Variants in SFMBT2 observed in about 807,000 individuals in gnomAD.
SFMBT2 encodes Scm like with four mbt domains 2.
SFMBT2 carries 38 observed loss-of-function variants against 110.1 expected under a neutral mutation model. That is an observed-to-expected ratio of 0.35 (90% CI 0.27 to 0.45). The LOEUF is 0.45. Among genes scored for constraint, SFMBT2 ranks in the 20% least tolerant of loss-of-function variants. The probability of loss-of-function intolerance (pLI) is 1.00; values close to 1 mark genes in which losing one functional copy is unlikely to be tolerated. For synonymous variants in SFMBT2, 425 were observed against 425.4 expected, an observed-to-expected ratio of 1.00 and a Z score of 0.01; for missense variants, 1,011 against 1,094.9, an observed-to-expected ratio of 0.92 and a Z score of 1.08.
intron 4 of SFMBT2, among the ~76,000 whole-genome samples, chr10:7,357,901 C>T (rs1157945981): frequency 6.6e-6 from 1 of 152,028 alleles, no homozygotes; most frequent in Admixed American, 6.6e-5. Context: ...AATGTTGGCA[C>T]AGCCCTGGAG....
In SFMBT2 at chr10:7,385,757, T is replaced by G. The variant is rs558437140; in HGVS notation, c.-51-3808A>C. Among the ~76,000 whole-genome samples, 1,064 of 152,164 alleles carry G rather than the reference T, an allele frequency of 7.0e-3. 10 individuals are homozygous for G. Among genetic ancestry groups the G allele is most frequent in the Middle Eastern group, 0.038 (11 of 292 alleles). On this transcript the variant is annotated intron_variant, in intron 1 of 20. Transcript: ENST00000397167. ...GCTCACGCCTGTAATCCCAGCACTT[T>G]GGGAGGCCGAGGCGGGCGGATCACG...
Position 7,243,561 on chromosome 10 carries a change from T to G in SFMBT2, c.1117A>C (p.Lys373Gln). Residue 373 changes from lysine to glutamine, a missense_variant, in exon 9 of 21, where the codon AAA (lysine) becomes CAA (glutamine). This residue lies in a region of SFMBT2 where 979 missense variants were observed against 1,016.1 expected (regional missense o/e 0.96). Transcript: ENST00000397167. ...CATACCTTCACAGAATACAAACCTT[T>G]GGGAGGAGTGAGGCTGACTCCATTT... is the stretch of plus-strand genomic sequence containing the variant. ...LKNGVSLTPPKGYSGQDFDWA... is the reference protein window; with the variant it reads ...LKNGVSLTPPQGYSGQDFDWA... 1 of 872,786 alleles carries G rather than the reference T, an allele frequency of 1.1e-6. No individual in the cohort carries two copies. Among genetic ancestry groups the G allele is most frequent in the Non-Finnish European group, 2.0e-6 (1 of 501,644 alleles). The allele number at this position is 872,786 out of a possible 1,614,324, so 54.1% of individuals were successfully genotyped here.
At chr10:7,389,506 A>T (rs1443683553) in intron 1 of SFMBT2, among the ~76,000 whole-genome samples, 1 of 152,218 alleles carries the variant, frequency 6.6e-6, no homozygotes, top group Non-Finnish European at 1.5e-5. Context: ...ATAAAAGGTA[A>T]CTTCCTGTTT....
At chr10:7,225,622 T>C (rs1377831265) in intron 10 of SFMBT2, among the ~76,000 whole-genome samples, 1 of 152,130 alleles carries the variant, frequency 6.6e-6, no homozygotes, top group African/African-American at 2.4e-5. Context: ...CCTGGGAATG[T>C]GGTGATTTAC....
chr10:7,194,248 C>T (rs764728384), intron 15 of SFMBT2, among the ~76,000 whole-genome samples: 10 of 152,298 alleles, frequency 6.6e-5, no homozygotes, highest in African/African-American at 2.2e-4. Flanking sequence ...TGCACCCCCT[C>T]GAATTGAGGC....
intron 4 of SFMBT2, among the ~76,000 whole-genome samples, chr10:7,319,729 A>C (rs535380198): frequency 1.3e-5 from 2 of 150,408 alleles, no homozygotes; most frequent in Admixed American, 6.6e-5. Flanking sequence ...AGACAGAGAG[A>C]GAGGAAGATA....
At chr10:7,255,713 G>A (rs1444025071) in intron 7 of SFMBT2, among the ~76,000 whole-genome samples, 1 of 152,172 alleles carries the variant, frequency 6.6e-6, no homozygotes, top group Non-Finnish European at 1.5e-5. Flanking sequence ...GGTTTCATCA[G>A]CTTTATTCCC....
rs189950013 is a variant in SFMBT2 at position 7,293,550 on chromosome 10, T to A, written c.437-7596A>T. ...ACTGAGATGAGGCAGATTCAAGGGATGCAAATACCAAGGGCAAGCTCCACT... is the reference window on the plus strand; with the variant it reads ...ACTGAGATGAGGCAGATTCAAGGGAAGCAAATACCAAGGGCAAGCTCCACT... On this transcript the variant is annotated intron_variant, in intron 4 of 20. Transcript: ENST00000397167. This position sits in a 1 kb window ranked among gnomAD's most constrained non-coding sequence, Gnocchi z 4.6. Among the ~76,000 whole-genome samples the A allele has an allele frequency of 6.3e-4, 96 of 152,254 alleles. No homozygotes were observed. Among genetic ancestry groups the A allele is most frequent in the African/African-American group, 2.3e-3 (94 of 41,534 alleles).
chr10:7,315,026 G>A (rs1842953842), intron 4 of SFMBT2, among the ~76,000 whole-genome samples: 1 of 133,978 alleles, frequency 7.5e-6, no homozygotes, highest in African/African-American at 2.9e-5. Flanking sequence ...AAAAGAGAGA[G>A]AAAGAAAGAA....
At chr10:7,393,655 G>A (rs933071160) in intron 1 of SFMBT2, among the ~76,000 whole-genome samples, 1 of 152,286 alleles carries the variant, frequency 6.6e-6, no homozygotes, top group Non-Finnish European at 1.5e-5. Context: ...GGAGTAACTG[G>A]CTGACCAAAA....
intron 7 of SFMBT2, 99 bp downstream of exon 7, chr10:7,276,793 T>C: frequency 1.4e-6 from 1 of 723,518 alleles, no homozygotes; most frequent in Non-Finnish European, 2.5e-6. Flanking sequence ...CTCAAAGTGC[T>C]GGGATTACAG....
chr10:7,271,284 T>C (rs112683827), intron 7 of SFMBT2, among the ~76,000 whole-genome samples: 1,671 of 81,606 alleles, frequency 0.02, 37 homozygotes, highest in African/African-American at 0.067. Context: ...CAGGGCAAGA[T>C]TGCCTCCAAA....
intron 1 of SFMBT2, among the ~76,000 whole-genome samples, chr10:7,407,623 C>T (rs982662674): frequency 5.3e-5 from 8 of 152,316 alleles, no homozygotes; most frequent in Admixed American, 2.6e-4. Flanking sequence ...AGTCGGGCGG[C>T]CGATCGTCAG....
At chr10:7,179,543 G>A (rs1386293431) in intron 16 of SFMBT2, among the ~76,000 whole-genome samples, 2 of 152,120 alleles carry the variant, frequency 1.3e-5, no homozygotes, top group Non-Finnish European at 2.9e-5. Context: ...TATCCACTAC[G>A]AGTTTGGTGG....
In SFMBT2 at chr10:7,367,640, G is replaced by C; in HGVS notation, c.436+9C>G. The C allele has an allele frequency of 6.2e-7, 1 of 1,602,664 alleles. No individual in the cohort carries two copies. The highest frequency in any genetic ancestry group is 8.5e-7 in the Non-Finnish European group (1 of 1,172,468). ...CTCGTAAATCGAAGCCTTTGAAACA[G>C]GGGCTCACCGTCCGGCGGCATCAAC... is the stretch of plus-strand genomic sequence containing the variant. On this transcript the variant is annotated intron_variant, in intron 4 of 20. Transcript: ENST00000397167. This position sits in a 1 kb window ranked among gnomAD's most constrained non-coding sequence, Gnocchi z 6.2.
At chr10:7,211,385 C>T (rs529179546) in intron 11 of SFMBT2, among the ~76,000 whole-genome samples, 1 of 152,272 alleles carries the variant, frequency 6.6e-6, no homozygotes, top group East Asian at 1.9e-4. Flanking sequence ...ACATGCACCA[C>T]AATGGCAGCT....
chr10:7,208,554 A>G (rs1175754646), intron 11 of SFMBT2, among the ~76,000 whole-genome samples: 1 of 151,940 alleles, frequency 6.6e-6, no homozygotes, highest in Non-Finnish European at 1.5e-5. Flanking sequence ...GGCATGGTGG[A>G]GGGTGCCTGT....
intron 10 of SFMBT2, 109 bp from the exon 11 acceptor site, chr10:7,220,646 G>C: frequency 8.8e-7 from 1 of 1,131,024 alleles, no homozygotes; most frequent in South Asian, 1.4e-5. Context: ...ACATCGACAA[G>C]ACAGGCTCAC....
intron 4 of SFMBT2, among the ~76,000 whole-genome samples, chr10:7,347,395 G>A (rs1277420618): frequency 6.6e-6 from 1 of 152,144 alleles, no homozygotes; most frequent in East Asian, 1.9e-4. Context: ...AACAGCAGTT[G>A]TAATCCTAAC....
Sources: allele counts gnomAD v4.1 joint callset (sites outside exome capture counted in the v4.1 genomes callset), GRCh38; gene constraint gnomAD v4.1.1; regional missense constraint gnomAD v4.1.1; non-coding constraint Gnocchi (gnomAD v3.1); transcripts MANE v1.5; gene names NCBI Gene and HGNC (gene_info 2026-07-23, HGNC 2026-07-21).